Variants in CPLANE2 observed in about 807,000 individuals in gnomAD.
The protein encoded by CPLANE2 is ciliogenesis and planar polarity effector complex subunit 2, also known as ciliogenesis and planar polarity effector 2.
CPLANE2 carries 24 observed loss-of-function variants against 20.9 expected under a neutral mutation model. That is an observed-to-expected ratio of 1.15 (90% confidence interval 0.83 to 1.61). CPLANE2 has a LOEUF of 1.61. CPLANE2 is among the 40% of genes most tolerant of loss of function. CPLANE2 has a pLI of 0.00. For synonymous variants in CPLANE2, 132 were observed against 144.3 expected (o/e 0.92, Z 0.61); for missense variants, 330 against 355.1 (o/e 0.93, Z 0.57).
intron 1 of CPLANE2, among the ~76,000 whole-genome samples, chr1:16,235,984 G>A (rs2081462864): frequency 1.3e-5 from 2 of 152,148 alleles, no homozygotes; most frequent in African/African-American, 4.8e-5. Flanking sequence ...CTTCTAGAGG[G>A]TCATTTTTTG....
chr1:16,235,004 G>A (rs547785207), intron 1 of CPLANE2, among the ~76,000 whole-genome samples: 102 of 152,310 alleles, frequency 6.7e-4, no homozygotes, highest in African/African-American at 1.7e-3. Context: ...GATTACAGGC[G>A]TGAGCCACCG....
chr1:16,232,682 C>A (rs374737325), intron 3 of CPLANE2, 36 bp from the exon 4 acceptor site: 1 of 1,611,722 alleles, frequency 6.2e-7, no homozygotes, highest in African/African-American at 1.3e-5. Context: ...TGTCACCCCC[C>A]ATCAGCTGCA....
intron 1 of CPLANE2, 56 bp downstream of exon 1, chr1:16,236,575 C>T: frequency 7.3e-7 from 1 of 1,364,444 alleles, no homozygotes; most frequent in African/African-American, 1.4e-5. Flanking sequence ...ACAGGTGACA[C>T]TCTTCTCCCC....
Position 16,232,228 on chromosome 1 carries a change from C to T in CPLANE2, c.597G>A (p.Leu199=), listed in dbSNP as rs145491080. The T allele has an allele frequency of 6.8e-6, 11 of 1,611,966 alleles. No individual in the cohort carries two copies. In the African/African-American group the frequency reaches 1.3e-4, roughly 20 times the overall value. ...GCACACTCTTCACCCGTAGCAGGGGCAGCTCCCAGGCCTGCCGGAAGGCTG... is the reference window on the plus strand; with the variant it reads ...GCACACTCTTCACCCGTAGCAGGGGTAGCTCCCAGGCCTGCCGGAAGGCTG... ...DLTAFRQAWE[L]PLLRVKSVPG... The change falls in exon 5 of 5, where the codon CTG becomes CTA. Residue 199 remains leucine (L), a synonymous_variant. Transcript: ENST00000375599.
rs981714792 is a variant in CPLANE2, at chr1:16,236,974, T to G, written c.-232A>C. On this transcript the variant is annotated 5_prime_UTR_variant, in exon 1 of 5. Coordinates refer to ENST00000375599, the MANE Select transcript of CPLANE2 (RefSeq NM_030907.4). The stretch of plus-strand genomic sequence containing the variant: ...TATTCACACAGCCCCTCTCCCCTTG[T>G]CACCTCCGGGGGTCAGACAGCCCCG... 7 of 494,300 alleles carry G rather than the reference T, an allele frequency of 1.4e-5. No homozygotes were observed. Among genetic ancestry groups the G allele is most frequent in the Non-Finnish European group, 2.6e-5 (7 of 268,864 alleles). The allele number at this position is 494,300 out of a possible 1,614,324, so 30.6% of individuals were successfully genotyped here.
chr1:16,233,477 A>C, intron 2 of CPLANE2, 135 bp downstream of exon 2: 2 of 1,056,682 alleles, frequency 1.9e-6, no homozygotes, highest in Non-Finnish European at 2.8e-6. Flanking sequence ...CTTGGGACCA[A>C]GGAGCCCATG....
At position 16,232,944 on chromosome 1, in the gene CPLANE2, C is replaced by A; in HGVS notation, c.339G>T (p.Glu113Asp). The A allele has an allele frequency of 6.2e-7, 1 of 1,614,206 alleles. No homozygotes were observed. Among genetic ancestry groups the A allele is most frequent in the Non-Finnish European group, 8.5e-7 (1 of 1,180,042 alleles). Residue 113 changes from glutamate (E) to aspartate (D), a missense_variant, in exon 3 of 5, where the codon GAG becomes GAT. Physicochemically the swap from Glu to Asp is conservative, Grantham distance 45 (BLOSUM62 2). Transcript: ENST00000375599. Reference protein sequence around the residue: ...ASSRVVMFRFEFWDCGESALK... With the variant: ...ASSRVVMFRFDFWDCGESALK... ...GTGCAGACTCTCCACAGTCCCAGAA[C>A]TCAAAACGAAACATGACGACACGGC... is the stretch of plus-strand genomic sequence containing the variant.
In CPLANE2 at chr1:16,232,147, G is replaced by A. The variant is rs781533397; in HGVS notation, c.678C>T (p.Asp226=). ...CAAGGCCATTGAGTATGTGGGCAAC[G>A]TCGGCCAGCCCAGCCCGCCCGTCCA... ...RTLDGRAGLA[D]VAHILNGLAE... is the part of the protein sequence containing the mutation. Residue 226 remains aspartate, a synonymous_variant, in exon 5 of 5, where the codon GAC becomes GAT. Transcript: ENST00000375599. The A allele has an allele frequency of 2.0e-5, 33 of 1,613,342 alleles. 1 individual carries two copies. The highest frequency in any genetic ancestry group is 1.5e-4 in the South Asian group (14 of 91,082).
chr1:16,232,510 T>C lies in CPLANE2; in HGVS notation c.527A>G (p.Lys176Arg), dbSNP rs751458178. The change falls in exon 4 of 5, where the codon AAA (lysine) becomes AGA (arginine). Residue 176 changes from lysine to arginine, a missense_variant and splice_region_variant. Transcript: ENST00000375599. The part of the protein sequence containing the change: ...PGVVRMVIGS[K>R]FDQYMHTDVP... Reference sequence around the variant, plus strand: ...CTTGCCAAGGATATCCAAAGGATACTTGGAGCCGATGACCATCCTGACGAC... The same window carrying C: ...CTTGCCAAGGATATCCAAAGGATACCTGGAGCCGATGACCATCCTGACGAC... The C allele has an allele frequency of 1.2e-6, 2 of 1,613,694 alleles. No homozygotes were observed. The highest frequency in any genetic ancestry group is 1.7e-6 in the Non-Finnish European group (2 of 1,179,786).
chr1:16,232,811 C>G (rs1298474616), intron 3 of CPLANE2, 82 bp downstream of exon 3: 11 of 1,581,572 alleles, frequency 7.0e-6, no homozygotes, highest in Non-Finnish European at 7.8e-6. Context: ...AGTGCCAGCT[C>G]AGGTCTCTGA....
At chr1:16,234,470 C>T (rs372285413) in intron 1 of CPLANE2, among the ~76,000 whole-genome samples, 32 of 152,272 alleles carry the variant, frequency 2.1e-4, no homozygotes, top group South Asian at 1.0e-3. Flanking sequence ...GACTAAGACG[C>T]GGGTAAATCC....
chr1:16,233,703 G>T lies in CPLANE2; in HGVS notation c.174C>A (p.Ile58=). The T allele has an allele frequency of 6.2e-7, 1 of 1,614,208 alleles. No individual in the cohort carries two copies. The highest frequency in any genetic ancestry group is 8.5e-7 in the Non-Finnish European group (1 of 1,180,050). Residue 58 remains isoleucine (I), a synonymous_variant, in exon 2 of 5, where the codon ATC becomes ATA. Coordinates refer to ENST00000375599, the MANE Select transcript of CPLANE2 (RefSeq NM_030907.4). ...PVSIDTASYK[I]FVSGKSGVGK... is the part of the protein sequence containing the mutation. The stretch of plus-strand genomic sequence containing the variant: ...CCACACCACTCTTCCCGGACACAAA[G>T]ATCTTGTAGCTGGCAGTGTCAATGG...
chr1:16,232,412 C>G (rs2081428808), intron 4 of CPLANE2, 98 bp downstream of exon 4: 1 of 1,549,638 alleles, frequency 6.5e-7, no homozygotes, highest in Admixed American at 1.9e-5. Flanking sequence ...ATGCTGTACC[C>G]TTTAAGTAAA....
chr1:16,232,868 C>T (rs2081434026), intron 3 of CPLANE2, 25 bp downstream of exon 3: 8 of 1,613,310 alleles, frequency 5.0e-6, no homozygotes, highest in African/African-American at 1.3e-5. Context: ...TGGCAGAACC[C>T]ACCCAGGCCC....
intron 3 of CPLANE2, 115 bp downstream of exon 3, chr1:16,232,778 A>C: frequency 6.4e-7 from 1 of 1,558,672 alleles, no homozygotes. Flanking sequence ...GTCCTAGGAC[A>C]AGCATGGGCT....
In CPLANE2 at chr1:16,231,869, C is replaced by T. The variant is rs2081421806; in HGVS notation, c.*179G>A. ...GAGCTCAGGGCCTTGGTCCCCACCT[C>T]CCTGCCATGAATTCTGCAAGGAAAG... On this transcript the variant is annotated 3_prime_UTR_variant, in exon 5 of 5. Transcript: ENST00000375599. 1 of 892,016 alleles carries T rather than the reference C, an allele frequency of 1.1e-6. No homozygotes were observed. Among genetic ancestry groups the T allele is most frequent in the African/African-American group, 1.7e-5 (1 of 59,488 alleles). The allele number at this position is 892,016 out of a possible 1,614,324, so 55.3% of individuals were successfully genotyped here. A position where few individuals can be genotyped will look rare whatever the true frequency, so the allele number is the denominator to read the frequency against.
chr1:16,233,676 G>A lies in CPLANE2; in HGVS notation c.201C>T (p.Gly67=), dbSNP rs1243264404. The change falls in exon 2 of 5, where the codon GGC becomes GGT. Residue 67 remains glycine, a synonymous_variant. Transcript: ENST00000375599. Reference sequence around the variant, plus strand: ...CCAGCTTGGCCACCAGCGCCGTCTTGCCCACACCACTCTTCCCGGACACAA... The same window carrying A: ...CCAGCTTGGCCACCAGCGCCGTCTTACCCACACCACTCTTCCCGGACACAA... ...KIFVSGKSGV[G]KTALVAKLAG... The A allele has an allele frequency of 6.2e-7, 1 of 1,614,200 alleles. No individual in the cohort carries two copies. The highest frequency in any genetic ancestry group is 1.7e-5 in the Admixed American group (1 of 60,028).
chr1:16,232,603 A>C lies in CPLANE2; in HGVS notation c.434T>G (p.Phe145Cys). 1.2e-6 allele frequency: 2 copies of C among 1,614,124 alleles called. No individual in the cohort carries two copies. Among genetic ancestry groups the C allele is most frequent in the East Asian group, 2.2e-5 (1 of 44,882 alleles). The change falls in exon 4 of 5, where the codon TTC becomes TGC. Residue 145 changes from phenylalanine (F) to cysteine (C), a missense_variant. By Grantham distance (205) the Phe-to-Cys change is radical. Transcript: ENST00000375599. ...GTCTTCAAAGGAGGCACGGTCAGTG[A>C]AGGAGAAGAGGAAGAGGAAGGCATC... ...NTDAFLFLFS[F>C]TDRASFEDLP...
At chr1:16,235,072 A>G (rs2081454047) in intron 1 of CPLANE2, among the ~76,000 whole-genome samples, 1 of 152,214 alleles carries the variant, frequency 6.6e-6, no homozygotes, top group African/African-American at 2.4e-5. Context: ...AGTCTGGGAT[A>G]CAAAGAGACT....
Sources: gnomAD v4.1 joint callset for allele counts (sites outside exome capture counted in the v4.1 genomes callset) on GRCh38, gnomAD v4.1.1 for gene constraint, MANE v1.5 for transcripts, NCBI Gene and HGNC (gene_info 2026-07-23, HGNC 2026-07-21) for gene names.